The following SLC43A3 variants were observed in gnomAD, a reference collection of about 807,000 sequenced individuals.
SLC43A3 encodes solute carrier family 43 member 3.
In SLC43A3, 33 loss-of-function variants were observed where a neutral mutation model predicts 53.3. That is an observed-to-expected ratio of 0.62 (90% CI 0.47 to 0.83). The LOEUF is 0.83. Ranked by LOEUF, SLC43A3 falls within the 40% of genes least tolerant of loss-of-function variation. The pLI is 0.00. For synonymous variants in SLC43A3, 236 were observed against 246.2 expected (o/e 0.96, Z 0.39); for missense variants, 530 against 610.0 (o/e 0.87, Z 1.38).
rs370462297 is a variant in SLC43A3, at chr11:57,407,703, T to C, written c.*89A>G. ...TGTGTGTGTGTGTGTTTTGCTGGGA[T>C]AGGCAAAGTCTTTTGGGACACGAGG... On this transcript the variant is annotated 3_prime_UTR_variant, in exon 14 of 14. Coordinates refer to ENST00000395124, the MANE Select transcript of SLC43A3 (RefSeq NM_199329.3). 1.9e-5 allele frequency: 14 copies of C among 720,128 alleles called. No individual in the cohort carries two copies. Among genetic ancestry groups the C allele is most frequent in the Admixed American group, 2.2e-5 (1 of 45,882 alleles). The allele number at this position is 720,128 out of a possible 1,614,324, so 44.6% of individuals were successfully genotyped here.
chr11:57,411,998 T>A (rs1942497828), intron 11 of SLC43A3, among the ~76,000 whole-genome samples: 1 of 151,918 alleles, frequency 6.6e-6, no homozygotes, highest in Non-Finnish European at 1.5e-5. Context: ...TATAAAAAAA[T>A]TATATATATG....
chr11:57,411,499 A>G lies in SLC43A3; in HGVS notation c.1061-1378T>C, dbSNP rs984957967. ...AAAAAAAAAAAAAAAAAAAAAAAAA[A>G]AAAAAATTATTTTAAATTAGCCAGA... On this transcript the variant is annotated intron_variant, in intron 11 of 13. Transcript: ENST00000395124. 1.1e-4 allele frequency among the ~76,000 whole-genome samples: 16 copies of G among 146,964 alleles called. No homozygotes were observed. In the South Asian group the frequency reaches 3.5e-3, roughly 32 times the overall value.
At chr11:57,416,424 G>A (rs924740715) in intron 9 of SLC43A3, 149 bp downstream of exon 9, 4 of 623,844 alleles carry the variant, frequency 6.4e-6, no homozygotes, top group Middle Eastern at 4.2e-4. Context: ...TCCATTAAGT[G>A]AGAGGGTTGG....
chr11:57,411,607 G>A (rs1315100348), intron 11 of SLC43A3, among the ~76,000 whole-genome samples: 1 of 152,110 alleles, frequency 6.6e-6, no homozygotes, highest in Non-Finnish European at 1.5e-5. Flanking sequence ...TGAGGCTGCA[G>A]TGAGCCGTGA....
intron 11 of SLC43A3, 48 bp from the exon 12 acceptor site, chr11:57,410,169 A>C: frequency 1.4e-6 from 2 of 1,455,814 alleles, no homozygotes; most frequent in Non-Finnish European, 1.8e-6. Context: ...CCAACCCAAC[A>C]GAAGTCAGCG....
At chr11:57,409,903 G>A (rs201018103) in intron 12 of SLC43A3, 32 bp downstream of exon 12, 12 of 1,563,980 alleles carry the variant, frequency 7.7e-6, no homozygotes, top group South Asian at 3.6e-5. Flanking sequence ...CAGTGTGTCC[G>A]TCTCCACAGA....
chr11:57,412,377 T>A (rs1247205218), intron 11 of SLC43A3, among the ~76,000 whole-genome samples: 1 of 152,198 alleles, frequency 6.6e-6, no homozygotes, highest in African/African-American at 2.4e-5. Flanking sequence ...TTAGTAGCCA[T>A]CCCTGAAGGT....
Position 57,407,608 on chromosome 11 carries a change from C to T in SLC43A3, c.*184G>A. On this transcript the variant is annotated 3_prime_UTR_variant, in exon 14 of 14. Transcript: ENST00000395124. ...TGCTTTGAGTCTGTGTGATATCAAT[C>T]TGCTTGGCAACTGAGATTCTTTTCT... 1.8e-6 allele frequency: 1 copy of T among 560,872 alleles called. No individual in the cohort carries two copies. The highest frequency in any genetic ancestry group is 2.2e-5 in the South Asian group (1 of 45,650). 34.7% of individuals were successfully genotyped at this position (560,872 alleles called of 1,614,324 possible).
intron 9 of SLC43A3, 37 bp downstream of exon 9, chr11:57,416,536 G>T: frequency 6.5e-7 from 1 of 1,534,820 alleles, no homozygotes; most frequent in Admixed American, 1.7e-5. Context: ...GAGAGGCTTG[G>T]GTCTGGAGGA....
intron 4 of SLC43A3, among the ~76,000 whole-genome samples, chr11:57,424,645 G>A (rs896333070): frequency 6.6e-6 from 1 of 152,080 alleles, no homozygotes; most frequent in Non-Finnish European, 1.5e-5. Context: ...TAAGGCTGGA[G>A]AAGAGGGAGG....
chr11:57,409,231 G>A lies in SLC43A3; in HGVS notation c.1315C>T (p.Leu439Phe), dbSNP rs138765536. The change falls in exon 13 of 14, where the codon CTC becomes TTC. Residue 439 changes from leucine (L) to phenylalanine (F), a missense_variant. By Grantham distance (22) the Leu-to-Phe change is conservative. This residue lies in a region of SLC43A3 where 124 missense variants were observed against 166.4 expected (regional missense o/e 0.75). Transcript: ENST00000395124. ...VMALSAVVSL[L>F]QFPIFTLIKG... ...ATGAGGGTGAAGATGGGGAACTGGA[G>A]CAGAGACACCACAGCCGACAAGGCC... The A allele has an allele frequency of 1.9e-5, 30 of 1,614,076 alleles. No homozygotes were observed. The highest frequency in any genetic ancestry group is 3.3e-5 in the Admixed American group (2 of 60,010).
intron 7 of SLC43A3, among the ~76,000 whole-genome samples, chr11:57,420,611 A>T (rs1942942273): frequency 6.6e-6 from 1 of 152,106 alleles, no homozygotes; most frequent in South Asian, 2.1e-4. Context: ...TCTTGTCCAA[A>T]CTAGAAGCTC....
chr11:57,416,032 A>G (rs970443016), intron 9 of SLC43A3, among the ~76,000 whole-genome samples: 1 of 152,186 alleles, frequency 6.6e-6, no homozygotes, highest in Non-Finnish European at 1.5e-5. Context: ...CGTGCTGTGC[A>G]TTAGATCTCT....
chr11:57,417,165 T>TC (rs1942759035), intron 8 of SLC43A3, among the ~76,000 whole-genome samples: 1 of 152,342 alleles, frequency 6.6e-6, no homozygotes, highest in Non-Finnish European at 1.5e-5. Context: ...AATGATCACA[T>TC]TTCTTCACCT....
At chr11:57,417,542 T>C (rs1942778204) in intron 8 of SLC43A3, among the ~76,000 whole-genome samples, 1 of 152,262 alleles carries the variant, frequency 6.6e-6, no homozygotes, top group African/African-American at 2.4e-5. Context: ...TCAGCGGAAC[T>C]AGCCAGCTAC....
In SLC43A3 at chr11:57,409,283, G is replaced by C. The variant is rs781424633; in HGVS notation, c.1263C>G (p.His421Gln). 6.2e-7 allele frequency: 1 copy of C among 1,614,094 alleles called. No homozygotes were observed. The highest frequency in any genetic ancestry group is 8.5e-7 in the Non-Finnish European group (1 of 1,180,036). Reference sequence around the variant, plus strand: ...TCACCAGCCCAAAGAGCTTGCCAAAGTGCTCTGAAGGGAAACTGGGGAGAG... The same window carrying C: ...TCACCAGCCCAAAGAGCTTGCCAAACTGCTCTGAAGGGAAACTGGGGAGAG... ...AFLTLAFPSE[H>Q]FGKLFGLVMA... The change falls in exon 13 of 14, where the codon CAC becomes CAG. Residue 421 changes from histidine to glutamine, a missense_variant. His to Gln is a conservative substitution (Grantham distance 24). Coordinates refer to ENST00000395124, the MANE Select transcript of SLC43A3 (RefSeq NM_199329.3).
Position 57,420,450 on chromosome 11 carries a change from C to T in SLC43A3, c.531+522G>A, listed in dbSNP as rs763071518. 3.1e-4 allele frequency among the ~76,000 whole-genome samples: 47 copies of T among 152,188 alleles called. 1 individual carries two copies. The highest frequency in any genetic ancestry group is 2.6e-3 in the Admixed American group (39 of 15,278). Reference sequence around the variant, plus strand: ...TAAGCGGGTCACTGCCCAGATAAAACTGTTCGCAATGAATAAGACAGAATG... The same window carrying T: ...TAAGCGGGTCACTGCCCAGATAAAATTGTTCGCAATGAATAAGACAGAATG... On this transcript the variant is annotated intron_variant, in intron 7 of 13. Coordinates refer to ENST00000395124, the MANE Select transcript of SLC43A3 (RefSeq NM_199329.3).
chr11:57,419,801 TAA>T (rs11417407), intron 7 of SLC43A3, among the ~76,000 whole-genome samples: 1 of 71,322 alleles, frequency 1.4e-5, no homozygotes, highest in African/African-American at 3.5e-5. Flanking sequence ...AACTCAATAA[TAA>T]AAAAAAAAAA....
chr11:57,425,367 C>G (rs914786985), intron 4 of SLC43A3, among the ~76,000 whole-genome samples, 174 bp downstream of exon 4: 1 of 152,148 alleles, frequency 6.6e-6, no homozygotes, highest in African/African-American at 2.4e-5. Context: ...GTGGGCAAGT[C>G]TAGAGAGAGT....
Sources: gnomAD v4.1 joint callset for allele counts (sites outside exome capture counted in the v4.1 genomes callset) on GRCh38, gnomAD v4.1.1 for gene constraint, gnomAD v4.1.1 regional missense constraint, MANE v1.5 for transcripts, NCBI Gene and HGNC (gene_info 2026-07-23, HGNC 2026-07-21) for gene names.